WWOX: variants seen among roughly 807,000 people sequenced by gnomAD.
The protein encoded by WWOX is WW domain-containing oxidoreductase.
A neutral mutation model predicts 46.2 loss-of-function variants in WWOX; 69 were observed. The ratio of observed to expected loss-of-function variants is 1.49; its 90% CI spans 1.23 to 1.82. The LOEUF (loss-of-function observed/expected upper bound fraction) is 1.82, where lower values mean the gene tolerates loss of function less well. WWOX is among the 40% of genes most tolerant of loss of function. The probability of loss-of-function intolerance (pLI) is 0.00; values close to 1 mark genes in which losing one functional copy is unlikely to be tolerated. For synonymous variants in WWOX, 359 were observed against 202.6 expected (o/e 1.77, Z -6.56); for missense variants, 919 against 542.6 (o/e 1.69, Z -6.89).
chr16:78,490,993 C>G (rs531615547), intron 8 of WWOX, among the ~76,000 whole-genome samples: 3 of 152,188 alleles, frequency 2.0e-5, no homozygotes, highest in Non-Finnish European at 4.4e-5. Context: ...AGTGACCGCT[C>G]CAGCCTTCTT....
At chr16:79,199,417 C>G (rs13332476) in intron 8 of WWOX, among the ~76,000 whole-genome samples, 28 of 152,168 alleles carry the variant, frequency 1.8e-4, no homozygotes, top group African/African-American at 6.5e-4. Context: ...AAGGATCTAT[C>G]ATGCGTAAGG....
In WWOX at chr16:78,347,929, T is replaced by C. The variant is rs958173355; in HGVS notation, c.517-38931T>C. 6.5e-5 allele frequency among the ~76,000 whole-genome samples: 8 copies of C among 122,620 alleles called. 2 individuals are homozygous for C. The highest frequency in any genetic ancestry group is 5.8e-4 in the East Asian group (3 of 5,176). 80.4% of individuals were successfully genotyped at this position (122,620 alleles called of 152,430 possible). ...TAAAACAATATGGACTATGGTCTTA[T>C]TCTGTTTAACGGTATGAAGGCTCGC... On this transcript the variant is annotated intron_variant, in intron 5 of 8. Coordinates refer to ENST00000566780, the MANE Select transcript of WWOX (RefSeq NM_016373.4).
chr16:79,047,559 C>T (rs542695550), intron 8 of WWOX, among the ~76,000 whole-genome samples: 17 of 152,124 alleles, frequency 1.1e-4, no homozygotes, highest in Admixed American at 3.9e-4. Flanking sequence ...GTATCAGTGT[C>T]CTGTGGCTGC....
intron 4 of WWOX, among the ~76,000 whole-genome samples, chr16:78,144,490 C>CGT (rs1567596493): frequency 1.4e-4 from 1 of 7,186 alleles, no homozygotes; most frequent in African/African-American, 6.5e-4. Context: ...TATATATACA[C>CGT]ACACACACAC....
chr16:79,077,748 T>G (rs1046507897), intron 8 of WWOX, among the ~76,000 whole-genome samples: 1 of 152,012 alleles, frequency 6.6e-6, no homozygotes, highest in Non-Finnish European at 1.5e-5. Context: ...TTCCAAATCC[T>G]TTTGTTTTGT....
chr16:79,150,145 G>A (rs2050251125), intron 8 of WWOX, among the ~76,000 whole-genome samples: 1 of 152,210 alleles, frequency 6.6e-6, no homozygotes, highest in South Asian at 2.1e-4. Context: ...GCTCTGCTCA[G>A]TCTACCTTTA....
chr16:78,921,036 A>G (rs1166809531), intron 8 of WWOX, among the ~76,000 whole-genome samples: 1 of 152,162 alleles, frequency 6.6e-6, no homozygotes, highest in African/African-American at 2.4e-5. Context: ...TGCCAGTCCA[A>G]TATAGGTCAC....
At chr16:78,618,925 G>A (rs2046098449) in intron 8 of WWOX, among the ~76,000 whole-genome samples, 1 of 150,676 alleles carries the variant, frequency 6.6e-6, no homozygotes, top group Non-Finnish European at 1.5e-5. Context: ...TCAGAGAAAG[G>A]TGCAACTCCC....
At chr16:78,926,472 G>T (rs1331132340) in intron 8 of WWOX, among the ~76,000 whole-genome samples, 2 of 152,172 alleles carry the variant, frequency 1.3e-5, no homozygotes, top group African/African-American at 4.8e-5. Flanking sequence ...CTGAGTTTGT[G>T]TCTATGGTTT....
At chr16:78,503,352 T>C (rs547668444) in intron 8 of WWOX, among the ~76,000 whole-genome samples, 1 of 152,302 alleles carries the variant, frequency 6.6e-6, no homozygotes, top group South Asian at 2.1e-4. Flanking sequence ...TGTTCCACTT[T>C]TGTAAATTTA....
intron 6 of WWOX, among the ~76,000 whole-genome samples, chr16:78,392,786 G>T (rs2082204004): frequency 6.6e-6 from 1 of 152,118 alleles, no homozygotes; most frequent in Admixed American, 6.6e-5. Flanking sequence ...ACACAGGCCT[G>T]ATTGCCAAAG....
intron 8 of WWOX, among the ~76,000 whole-genome samples, chr16:79,122,754 A>C (rs1316712358): frequency 6.6e-6 from 1 of 152,182 alleles, no homozygotes; most frequent in East Asian, 1.9e-4. Flanking sequence ...AAAGGCCCAG[A>C]TTTAGTTCTC....
chr16:79,010,579 A>C (rs748470680), intron 8 of WWOX, among the ~76,000 whole-genome samples: 1 of 152,202 alleles, frequency 6.6e-6, no homozygotes, highest in Non-Finnish European at 1.5e-5. Flanking sequence ...TGAAATAAAT[A>C]TATGATAAAT....
At chr16:79,019,942 T>C (rs1276895279) in intron 8 of WWOX, among the ~76,000 whole-genome samples, 3 of 152,198 alleles carry the variant, frequency 2.0e-5, no homozygotes, top group African/African-American at 7.2e-5. Context: ...ACTGCATCCA[T>C]ACCAAGCACA....
chr16:78,848,544 T>C (rs1351968286), intron 8 of WWOX, among the ~76,000 whole-genome samples: 1 of 152,140 alleles, frequency 6.6e-6, no homozygotes, highest in Non-Finnish European at 1.5e-5. Context: ...GTCCTTTATG[T>C]GGTGTTGCCT....
chr16:78,895,429 C>T (rs983613197), intron 8 of WWOX: 1 of 152,242 alleles, frequency 6.6e-6, no homozygotes, highest in South Asian at 2.1e-4. Context: ...CATCATGCTT[C>T]TTTCTGTTCT....
intron 2 of WWOX, among the ~76,000 whole-genome samples, chr16:78,109,346 C>T (rs1017985267): frequency 3.9e-5 from 6 of 151,964 alleles, no homozygotes; most frequent in East Asian, 1.9e-4. Flanking sequence ...AAGGTTCCTG[C>T]CCTTAAGAGG....
At chr16:78,444,375 T>G (rs1301133238) in intron 8 of WWOX, among the ~76,000 whole-genome samples, 1 of 152,108 alleles carries the variant, frequency 6.6e-6, no homozygotes, top group African/African-American at 2.4e-5. Flanking sequence ...ACAGTTTAAC[T>G]TGAAAGGAAA....
rs188228014 is a variant in WWOX at position 78,382,221 on chromosome 16, C to T, written c.517-4639C>T. 5.5e-4 allele frequency among the ~76,000 whole-genome samples: 84 copies of T among 152,304 alleles called. 1 individual carries two copies. Among genetic ancestry groups the T allele is most frequent in the African/African-American group, 1.7e-3 (71 of 41,568 alleles). ...TTCTCCTCTTTCTGGACACATAGCACGTTGCACCTTCTAGAAGCTAGGCAC... is the reference window on the plus strand; with the variant it reads ...TTCTCCTCTTTCTGGACACATAGCATGTTGCACCTTCTAGAAGCTAGGCAC... On this transcript the variant is annotated intron_variant, in intron 5 of 8. Transcript: ENST00000566780.
Sources: gnomAD v4.1 joint callset for allele counts (sites outside exome capture counted in the v4.1 genomes callset) on GRCh38, gnomAD v4.1.1 for gene constraint, MANE v1.5 for transcripts, NCBI Gene and HGNC (gene_info 2026-07-23, HGNC 2026-07-21) for gene names.